The following PDE4D variants were observed in gnomAD, a reference collection of about 807,000 sequenced individuals.
PDE4D encodes phosphodiesterase 4D.
A neutral mutation model predicts 87.4 loss-of-function variants in PDE4D; 24 were observed. The ratio of observed to expected loss-of-function variants is 0.27; its 90% confidence interval spans 0.20 to 0.39. The LOEUF is 0.39. Among genes scored for constraint, PDE4D ranks in the 10% least tolerant of loss-of-function variants. The pLI is 1.00. For synonymous variants in PDE4D, 384 were observed against 383.2 expected (o/e 1.00, Z -0.02); for missense variants, 714 against 1,041.0 (o/e 0.69, Z 4.32).
intron 5 of PDE4D, among the ~76,000 whole-genome samples, chr5:59,090,679 GCAA>G (rs1190492869): frequency 6.6e-6 from 1 of 151,778 alleles, no homozygotes; most frequent in East Asian, 1.9e-4. Flanking sequence ...GTAGGAAACA[GCAA>G]CAACAACAAC....
chr5:59,763,755 T>G (rs1762457954), intron 1 of PDE4D, among the ~76,000 whole-genome samples: 1 of 152,194 alleles, frequency 6.6e-6, no homozygotes, highest in African/African-American at 2.4e-5. Context: ...CTATAATCAC[T>G]AGAACTACAA....
intron 1 of PDE4D, among the ~76,000 whole-genome samples, chr5:59,594,784 A>G (rs1308848850): frequency 6.6e-6 from 1 of 152,246 alleles, no homozygotes; most frequent in African/African-American, 2.4e-5. Flanking sequence ...AATTATCCGT[A>G]TGATACAAAA....
intron 1 of PDE4D, among the ~76,000 whole-genome samples, chr5:60,412,580 T>C (rs1742135681): frequency 6.6e-6 from 1 of 152,206 alleles, no homozygotes; most frequent in Non-Finnish European, 1.5e-5. Flanking sequence ...CCTGCATGTT[T>C]TGTGTATTCA....
At chr5:59,327,067 A>G (rs1407762002) in intron 1 of PDE4D, among the ~76,000 whole-genome samples, 1 of 151,740 alleles carries the variant, frequency 6.6e-6, no homozygotes. Context: ...TCTTTGAGAA[A>G]TATCTATGGA....
intron 1 of PDE4D, among the ~76,000 whole-genome samples, chr5:59,836,290 A>G (rs1742016326): frequency 6.6e-6 from 1 of 151,982 alleles, no homozygotes; most frequent in Non-Finnish European, 1.5e-5. Context: ...CTGTTTTCTG[A>G]TATTATTATT....
At chr5:59,738,286 T>TGACAGA (rs1351898144) in intron 1 of PDE4D, among the ~76,000 whole-genome samples, 3 of 152,180 alleles carry the variant, frequency 2.0e-5, no homozygotes, top group Non-Finnish European at 2.9e-5. Context: ...ATACAATGTA[T>TGACAGA]TCTGTTGTCA....
chr5:59,449,568 C>A (rs1328264207), intron 1 of PDE4D, among the ~76,000 whole-genome samples: 1 of 152,156 alleles, frequency 6.6e-6, no homozygotes, highest in Non-Finnish European at 1.5e-5. Context: ...CCACAAATAT[C>A]TTTACTCATA....
chr5:59,532,893 T>G (rs1444125974), intron 1 of PDE4D, among the ~76,000 whole-genome samples: 1 of 151,978 alleles, frequency 6.6e-6, no homozygotes, highest in Admixed American at 6.6e-5. Flanking sequence ...TTATTTGGAG[T>G]CTTCAGACCT....
chr5:60,072,647 G>A (rs1047939669), intron 2 of PDE4D, among the ~76,000 whole-genome samples: 4 of 152,060 alleles, frequency 2.6e-5, no homozygotes, highest in Admixed American at 6.6e-5. Flanking sequence ...TGAGTTTTAC[G>A]TTTAAGTCTC....
In PDE4D at chr5:60,361,407, T is replaced by C. The variant is rs529772166; in HGVS notation, c.-90+126535A>G. On this transcript the variant is annotated intron_variant, in intron 1 of 16. Transcript: ENST00000502484. Reference sequence around the variant, plus strand: ...CAAAATATATTAAAGAATGAAATCATGATTCAATAAATCAATGGTAACTAC... The same window carrying C: ...CAAAATATATTAAAGAATGAAATCACGATTCAATAAATCAATGGTAACTAC... 7.4e-4 allele frequency among the ~76,000 whole-genome samples: 112 copies of C among 152,344 alleles called. 1 individual carries two copies. Among genetic ancestry groups the C allele is most frequent in the African/African-American group, 2.5e-3 (105 of 41,580 alleles).
At chr5:59,517,684 A>G (rs1479575468) in intron 1 of PDE4D, among the ~76,000 whole-genome samples, 1 of 152,196 alleles carries the variant, frequency 6.6e-6, no homozygotes, top group Non-Finnish European at 1.5e-5. Context: ...TATATTTCAT[A>G]GGGTTGTAGC....
At chr5:59,961,486 G>A (rs938307185) in intron 3 of PDE4D, among the ~76,000 whole-genome samples, 3 of 152,026 alleles carry the variant, frequency 2.0e-5, no homozygotes, top group Non-Finnish European at 4.4e-5. Context: ...TGTATTCTGA[G>A]ATGCAGAATT....
intron 1 of PDE4D, among the ~76,000 whole-genome samples, chr5:59,813,805 A>G (rs1738679350): frequency 6.6e-6 from 1 of 152,182 alleles, no homozygotes; most frequent in Non-Finnish European, 1.5e-5. Context: ...ATCTGTTCTT[A>G]CCAGTCTCAA....
chr5:60,354,367 G>C (rs1759436143), intron 1 of PDE4D, among the ~76,000 whole-genome samples: 1 of 152,202 alleles, frequency 6.6e-6, no homozygotes, highest in South Asian at 2.1e-4. Context: ...CTGATTTTCA[G>C]ACCAATGCTG....
At chr5:59,507,545 G>A (rs1809482523) in intron 1 of PDE4D, among the ~76,000 whole-genome samples, 1 of 150,902 alleles carries the variant, frequency 6.6e-6, no homozygotes, top group Admixed American at 6.6e-5. Context: ...TATGTCTGTA[G>A]TCCTAGCTAC....
intron 3 of PDE4D, among the ~76,000 whole-genome samples, chr5:59,985,124 G>GTTGTTTT (rs1762290009): frequency 1.8e-5 from 2 of 111,268 alleles, no homozygotes; most frequent in African/African-American, 2.8e-5. Context: ...TTCACCTTTC[G>GTTGTTTT]TTTTTTGTTT....
At chr5:59,068,701 T>C (rs1422594837) in intron 5 of PDE4D, among the ~76,000 whole-genome samples, 4 of 152,170 alleles carry the variant, frequency 2.6e-5, no homozygotes, top group Admixed American at 2.0e-4. Flanking sequence ...ATAGGTAATG[T>C]AGTTTTTGAA....
intron 5 of PDE4D, among the ~76,000 whole-genome samples, chr5:59,078,023 C>T (rs1223430596): frequency 6.6e-6 from 1 of 152,260 alleles, no homozygotes; most frequent in East Asian, 1.9e-4. Context: ...TTCTGTGCTC[C>T]AGAAACAACT....
chr5:59,152,741 G>T lies in PDE4D; in HGVS notation c.808+27854C>A, dbSNP rs79712276. On this transcript the variant is annotated intron_variant, in intron 5 of 14. Transcript: ENST00000340635. ...GGAAAATAAAGCCCCTAGTGTTCTT[G>T]GTGGTGTTTCTTTCCAAGTTTCTCT... Among the ~76,000 whole-genome samples, 528 of 152,082 alleles carry T rather than the reference G, an allele frequency of 3.5e-3. 6 individuals carry two copies. Among genetic ancestry groups the T allele is most frequent in the African/African-American group, 0.012 (491 of 41,496 alleles).
Sources: gnomAD v4.1 joint callset for allele counts (sites outside exome capture counted in the v4.1 genomes callset) on GRCh38, gnomAD v4.1.1 for gene constraint, MANE v1.5 for transcripts, NCBI Gene and HGNC (gene_info 2026-07-23, HGNC 2026-07-21) for gene names.